Variants in TERF2 observed in about 807,000 individuals in gnomAD.
TERF2 encodes the protein telomeric repeat-binding factor 2.
TERF2 carries 16 observed loss-of-function variants against 56.1 expected under a neutral mutation model. The observed-to-expected ratio is 0.29, with a 90% CI of 0.19 to 0.43. TERF2 has a LOEUF of 0.43. Among genes scored for constraint, TERF2 ranks in the 20% least tolerant of loss-of-function variants. The pLI is 1.00. For synonymous variants in TERF2, 296 were observed against 282.1 expected (o/e 1.05, Z -0.50); for missense variants, 547 against 712.9 (o/e 0.77, Z 2.65).
At chr16:69,371,863 A>T (rs568306552) in intron 4 of TERF2, among the ~76,000 whole-genome samples, 26 of 152,264 alleles carry the variant, frequency 1.7e-4, no homozygotes, top group African/African-American at 6.0e-4. Context: ...AAAAAATAAA[A>T]GCAGGGGACC....
rs779320128 is a variant in TERF2 at position 69,356,277 on chromosome 16, G to C, written c.*621C>G. ...TAGACTTCACCATTTCCTAGGAGAAGGTTCTACAGATTACCAGGGATTTAA... is the reference window on the plus strand; with the variant it reads ...TAGACTTCACCATTTCCTAGGAGAACGTTCTACAGATTACCAGGGATTTAA... On this transcript the variant is annotated 3_prime_UTR_variant, in exon 10 of 10. Transcript: ENST00000254942. 6 of 433,032 alleles carry C rather than the reference G, an allele frequency of 1.4e-5. No homozygotes were observed. The highest frequency in any genetic ancestry group is 7.1e-5 in the East Asian group (1 of 13,994). 26.8% of individuals were successfully genotyped at this position (433,032 alleles called of 1,614,324 possible). A position where few individuals can be genotyped will look rare whatever the true frequency, so the allele number is the denominator to read the frequency against.
chr16:69,382,120 T>A (rs1237926228), intron 3 of TERF2, among the ~76,000 whole-genome samples: 5 of 152,242 alleles, frequency 3.3e-5, no homozygotes. Context: ...TGGTTCTGCT[T>A]ATGAAAACAG....
intron 3 of TERF2, among the ~76,000 whole-genome samples, chr16:69,383,104 A>G (rs1043578066): frequency 1.3e-5 from 2 of 152,206 alleles, no homozygotes; most frequent in Non-Finnish European, 2.9e-5. Context: ...AAGCCCACAA[A>G]GACTCTTCCA....
chr16:69,375,927 GT>G (rs2013761832), intron 3 of TERF2, among the ~76,000 whole-genome samples: 2 of 152,034 alleles, frequency 1.3e-5, no homozygotes, highest in Admixed American at 1.3e-4. Flanking sequence ...GTATAGACTT[GT>G]TTCTTTTGAG....
chr16:69,385,618 G>A lies in TERF2; in HGVS notation c.354C>T (p.Phe118=). The change falls in exon 1 of 10, where the codon TTC becomes TTT. Residue 118 remains phenylalanine (F), a synonymous_variant. Transcript: ENST00000254942. ...CCTGCATGATGTCCCGGATCTGTCT[G>A]AAGTCCCCGTACCGGCTACCCCGAA... is the stretch of plus-strand genomic sequence containing the variant. ...RAFRGSRYGD[F]RQIRDIMQAL... 1 of 1,605,922 alleles carries A rather than the reference G, an allele frequency of 6.2e-7. No individual in the cohort carries two copies. Among genetic ancestry groups the A allele is most frequent in the Non-Finnish European group, 8.5e-7 (1 of 1,178,726 alleles).
chr16:69,361,376 A>T, intron 8 of TERF2, 28 bp downstream of exon 8: 1 of 1,520,294 alleles, frequency 6.6e-7, no homozygotes. Context: ...AAGCATCAAG[A>T]AGAGGCCAAG....
intron 3 of TERF2, among the ~76,000 whole-genome samples, chr16:69,379,297 T>A (rs952437155): frequency 5.9e-5 from 9 of 152,206 alleles, no homozygotes; most frequent in Non-Finnish European, 1.5e-5. Flanking sequence ...TTGTTTCAAA[T>A]GTAAAGTTCT....
Position 69,385,915 on chromosome 16 carries a change from G to C in TERF2, c.57C>G (p.Asp19Glu). The C allele has an allele frequency of 2.9e-6, 4 of 1,392,208 alleles. No homozygotes were observed. Among genetic ancestry groups the C allele is most frequent in the Non-Finnish European group, 3.7e-6 (4 of 1,072,540 alleles). The allele number at this position is 1,392,208 out of a possible 1,614,324, so 86.2% of individuals were successfully genotyped here. ...GCTTCCTCGGCTGTGACGCCGCTGG[G>C]TCACGCACGACGCCCGGGCCGGAAG... ...GPASGPGVVR[D>E]PAASQPRKRP... The change falls in exon 1 of 10, where the codon GAC (aspartate) becomes GAG (glutamate). Residue 19 changes from aspartate to glutamate, a missense_variant. Asp to Glu is a conservative substitution (Grantham distance 45). Coordinates refer to ENST00000254942, the MANE Select transcript of TERF2 (RefSeq NM_005652.5).
intron 3 of TERF2, among the ~76,000 whole-genome samples, chr16:69,372,673 A>G (rs1013598217): frequency 6.6e-6 from 1 of 152,074 alleles, no homozygotes; most frequent in Non-Finnish European, 1.5e-5. Flanking sequence ...GAGGCAGGAG[A>G]ATTGCTTGAA....
At chr16:69,379,891 G>C (rs1407648655) in intron 3 of TERF2, among the ~76,000 whole-genome samples, 3 of 152,004 alleles carry the variant, frequency 2.0e-5, no homozygotes, top group Admixed American at 6.6e-5. Context: ...TATTTAATCT[G>C]TTGTGATGTG....
intron 5 of TERF2, among the ~76,000 whole-genome samples, chr16:69,369,308 G>A (rs1329156641): frequency 6.6e-6 from 1 of 152,076 alleles, no homozygotes; most frequent in Admixed American, 6.6e-5. Context: ...GATCTGTTAC[G>A]AGACAGAATA....
At chr16:69,372,492 G>GCC in intron 3 of TERF2, 137 bp from the exon 4 acceptor site, 1 of 556,108 alleles carries the variant, frequency 1.8e-6, no homozygotes, top group Non-Finnish European at 3.0e-6. Context: ...GCCAGGCGCG[G>GCC]TGGCTCACGC....
intron 4 of TERF2, among the ~76,000 whole-genome samples, chr16:69,372,059 T>C (rs940058407): frequency 1.3e-5 from 2 of 152,232 alleles, no homozygotes; most frequent in Non-Finnish European, 2.9e-5. Context: ...AAGTGAATAA[T>C]TTATGTCAAT....
At chr16:69,366,743 T>C in intron 7 of TERF2, 64 bp downstream of exon 7, 1 of 1,529,534 alleles carries the variant, frequency 6.5e-7, no homozygotes, top group Non-Finnish European at 8.8e-7. Flanking sequence ...TTCACGGAAG[T>C]AATACCAGGC....
rs34295116 is a variant in TERF2, at chr16:69,361,309, G to A, written c.1426+95C>T. The A allele has an allele frequency of 0.056, 48,892 of 870,292 alleles. 1,673 individuals carry two copies. The highest frequency in any genetic ancestry group is 0.079 in the South Asian group (5,352 of 67,656). The allele number at this position is 870,292 out of a possible 1,614,324, so 53.9% of individuals were successfully genotyped here. ...GAACTTACTGAACTTTTTCTAGTTC[G>A]GAGACAAGCAGCTTCTGGAATATTA... On this transcript the variant is annotated intron_variant, in intron 8 of 9. Transcript: ENST00000254942.
intron 3 of TERF2, 35 bp from the exon 4 acceptor site, chr16:69,372,390 G>A (rs1422686756): frequency 3.7e-6 from 5 of 1,334,778 alleles, no homozygotes; most frequent in Middle Eastern, 2.2e-4. Flanking sequence ...TTTTACTTTT[G>A]TAATGACAGG....
At chr16:69,379,609 G>A (rs140110026) in intron 3 of TERF2, among the ~76,000 whole-genome samples, 1 of 152,164 alleles carries the variant, frequency 6.6e-6, no homozygotes, top group Non-Finnish European at 1.5e-5. Flanking sequence ...CGTTACTGCA[G>A]ACCCTCAAAG....
intron 3 of TERF2, among the ~76,000 whole-genome samples, chr16:69,376,863 G>GGA (rs71383993): frequency 3.6e-5 from 4 of 111,012 alleles, no homozygotes; most frequent in South Asian, 3.2e-4. Context: ...TTGTCACATT[G>GGA]AAAAAAAAAA....
intron 3 of TERF2, among the ~76,000 whole-genome samples, chr16:69,372,928 T>C (rs1052905447): frequency 7.2e-5 from 11 of 152,082 alleles, no homozygotes; most frequent in African/African-American, 2.7e-4. Context: ...CCAATTTCAA[T>C]AGGGCCTCCT....
Sources: allele counts gnomAD v4.1 joint callset (sites outside exome capture counted in the v4.1 genomes callset), GRCh38; gene constraint gnomAD v4.1.1; transcripts MANE v1.5; gene names NCBI Gene and HGNC (gene_info 2026-07-23, HGNC 2026-07-21).